Variants in SPAG16 observed in about 807,000 individuals in gnomAD.
SPAG16 encodes sperm associated antigen 16.
A neutral mutation model predicts 80.4 loss-of-function variants in SPAG16; 86 were observed. That is an observed-to-expected ratio of 1.07 (90% confidence interval 0.90 to 1.28). The LOEUF (loss-of-function observed/expected upper bound fraction) is 1.28, where lower values mean the gene tolerates loss of function less well. Ranked by LOEUF, SPAG16 falls within the 50% of genes most tolerant of loss-of-function variation. The pLI, the probability that SPAG16 is intolerant of heterozygous loss-of-function variation, is 0.00. For missense variants in SPAG16, 870 were observed against 765.3 expected, an observed-to-expected ratio of 1.14 and a Z score of -1.61; for synonymous variants, 294 against 265.9, an observed-to-expected ratio of 1.11 and a Z score of -1.03.
intron 15 of SPAG16, among the ~76,000 whole-genome samples, chr2:214,201,558 A>T (rs2058010700): frequency 1.3e-5 from 2 of 152,212 alleles, no homozygotes; most frequent in Non-Finnish European, 2.9e-5. Flanking sequence ...CCTACAAAGA[A>T]CAAACATTTC....
intron 4 of SPAG16, among the ~76,000 whole-genome samples, chr2:213,315,495 A>C (rs945381318): frequency 1.3e-5 from 2 of 151,956 alleles, no homozygotes; most frequent in African/African-American, 4.8e-5. Context: ...ATAAGCATAC[A>C]GATGCACAAT....
At chr2:213,567,595 G>A in intron 10 of SPAG16, among the ~76,000 whole-genome samples, 1 of 84,594 alleles carries the variant, frequency 1.2e-5, no homozygotes. Flanking sequence ...GTATTCCATG[G>A]TGTATATGTG....
intron 9 of SPAG16, among the ~76,000 whole-genome samples, chr2:213,418,807 C>A (rs992194834): frequency 2.0e-5 from 3 of 152,194 alleles, no homozygotes; most frequent in African/African-American, 4.8e-5. Context: ...GATATGTCCT[C>A]TGGAAAGCTT....
intron 10 of SPAG16, among the ~76,000 whole-genome samples, chr2:213,641,239 C>T (rs559709206): frequency 6.6e-6 from 1 of 152,166 alleles, no homozygotes. Flanking sequence ...CAGTGACAGG[C>T]CTCACCCAGC....
intron 10 of SPAG16, among the ~76,000 whole-genome samples, chr2:213,502,969 CAGA>C (rs1197412210): frequency 2.6e-5 from 4 of 152,298 alleles, no homozygotes; most frequent in East Asian, 3.9e-4. Flanking sequence ...ATATGTACAA[CAGA>C]AGGGTCAAAT....
In SPAG16 at chr2:213,865,498, C is replaced by A. The variant is rs1457395688; in HGVS notation, c.1214+2870C>A. On this transcript the variant is annotated intron_variant, in intron 11 of 15. Transcript: ENST00000331683. ...AGAGTAAAATTCATAGCTTTAAATT[C>A]TTTATCATTAAATAAGAAAAAAAGA... is the stretch of plus-strand genomic sequence containing the variant. Among the ~76,000 whole-genome samples, 3 of 150,792 alleles carry A rather than the reference C, an allele frequency of 2.0e-5. No homozygotes were observed. The East Asian group carries it at 5.8e-4, about 29-fold the overall frequency.
At chr2:213,991,999 T>A (rs55950408) in intron 12 of SPAG16, among the ~76,000 whole-genome samples, 17,856 of 152,054 alleles carry the variant, frequency 0.12, 1,505 homozygotes, top group African/African-American at 0.24. Context: ...AGACTTGTTT[T>A]GTGTCACATC....
chr2:214,125,791 C>G (rs1020552531), intron 14 of SPAG16, among the ~76,000 whole-genome samples: 1 of 151,582 alleles, frequency 6.6e-6, no homozygotes, highest in Non-Finnish European at 1.5e-5. Flanking sequence ...AAAAGTATAA[C>G]AAATGTATTT....
At chr2:213,462,089 C>T (rs1488825450) in intron 9 of SPAG16, among the ~76,000 whole-genome samples, 1 of 152,140 alleles carries the variant, frequency 6.6e-6, no homozygotes, top group Non-Finnish European at 1.5e-5. Flanking sequence ...GATGGTGACA[C>T]ATTAACAGCA....
chr2:214,110,209 A>T (rs1167616453), intron 14 of SPAG16, among the ~76,000 whole-genome samples: 1 of 152,132 alleles, frequency 6.6e-6, no homozygotes, highest in Non-Finnish European at 1.5e-5. Flanking sequence ...TTACATAGGT[A>T]TACATGTGCC....
intron 15 of SPAG16, among the ~76,000 whole-genome samples, chr2:214,385,063 C>A (rs1700670490): frequency 6.6e-6 from 1 of 152,200 alleles, no homozygotes; most frequent in African/African-American, 2.4e-5. Flanking sequence ...TTAGTCCTGT[C>A]ATAACACTAA....
intron 15 of SPAG16, among the ~76,000 whole-genome samples, chr2:214,228,524 G>GA (rs964182111): frequency 6.6e-6 from 1 of 151,774 alleles, no homozygotes; most frequent in Non-Finnish European, 1.5e-5. Context: ...ATCAATAGGA[G>GA]AAAAAGCAAA....
intron 11 of SPAG16, among the ~76,000 whole-genome samples, chr2:213,918,110 G>A (rs535840257): frequency 2.0e-5 from 3 of 152,138 alleles, no homozygotes; most frequent in Non-Finnish European, 2.9e-5. Context: ...TACATCCCAG[G>A]GATAAAGCCT....
intron 9 of SPAG16, among the ~76,000 whole-genome samples, chr2:213,467,873 C>T (rs1354601232): frequency 6.6e-6 from 1 of 152,194 alleles, no homozygotes; most frequent in African/African-American, 2.4e-5. Flanking sequence ...TGGCTTGCCA[C>T]ATTTGTAGGA....
intron 13 of SPAG16, among the ~76,000 whole-genome samples, chr2:214,056,123 AC>A (rs1432979913): frequency 6.6e-6 from 1 of 151,920 alleles, no homozygotes; most frequent in African/African-American, 2.4e-5. Flanking sequence ...GACCCTTAAT[AC>A]CCCCTTTACT....
At chr2:213,801,014 C>T (rs1266877345) in intron 10 of SPAG16, among the ~76,000 whole-genome samples, 1 of 151,972 alleles carries the variant, frequency 6.6e-6, no homozygotes, top group African/African-American at 2.4e-5. Context: ...TCATTATCAC[C>T]AATAGCATAA....
intron 15 of SPAG16, among the ~76,000 whole-genome samples, chr2:214,233,137 C>T (rs192618992): frequency 1.5e-4 from 23 of 151,774 alleles, no homozygotes; most frequent in Admixed American, 2.0e-4. Flanking sequence ...AAAGGGGGGG[C>T]CATAAGTGTT....
intron 5 of SPAG16, among the ~76,000 whole-genome samples, chr2:213,333,551 C>G (rs1196283675): frequency 6.6e-6 from 1 of 152,092 alleles, no homozygotes. Flanking sequence ...GCAAAGCTAT[C>G]CTAAGCAAAG....
At chr2:213,359,729 C>G (rs995504733) in intron 7 of SPAG16, among the ~76,000 whole-genome samples, 2 of 152,118 alleles carry the variant, frequency 1.3e-5, no homozygotes, top group African/African-American at 4.8e-5. Flanking sequence ...CCTTGCACTC[C>G]TGGGTGAGGC....
Sources: gnomAD v4.1 joint callset for allele counts (sites outside exome capture counted in the v4.1 genomes callset) on GRCh38, gnomAD v4.1.1 for gene constraint, MANE v1.5 for transcripts, NCBI Gene and HGNC (gene_info 2026-07-23, HGNC 2026-07-21) for gene names.